SIPA1L1: variants seen among roughly 807,000 people sequenced by gnomAD.
The protein encoded by SIPA1L1 is signal-induced proliferation-associated 1-like protein 1.
A neutral mutation model predicts 162.7 loss-of-function variants in SIPA1L1; 26 were observed. That is an observed-to-expected ratio of 0.16 (90% CI 0.12 to 0.22). The LOEUF (loss-of-function observed/expected upper bound fraction) is 0.22, where lower values mean the gene tolerates loss of function less well. Ranked by LOEUF, SIPA1L1 falls within the 10% of genes least tolerant of loss-of-function variation. The pLI, the probability that SIPA1L1 is intolerant of heterozygous loss-of-function variation, is 1.00. For missense variants in SIPA1L1, 1,874 were observed against 2,241.0 expected, an observed-to-expected ratio of 0.84 and a Z score of 3.31; for synonymous variants, 829 against 837.4, an observed-to-expected ratio of 0.99 and a Z score of 0.17.
intron 2 of SIPA1L1, among the ~76,000 whole-genome samples, chr14:71,429,284 T>G (rs1459260000): frequency 2.6e-5 from 4 of 152,226 alleles, no homozygotes; most frequent in Non-Finnish European, 4.4e-5. Context: ...TTCTCTGGCT[T>G]GCTCTCCACT....
intron 3 of SIPA1L1, among the ~76,000 whole-genome samples, chr14:71,523,085 TTTATCCACC>T (rs1456692649): frequency 6.6e-6 from 1 of 152,222 alleles, no homozygotes; most frequent in Non-Finnish European, 1.5e-5. Flanking sequence ...CATTCTGTGA[TTTATCCACC>T]TAATGAATTT....
At chr14:71,735,008 T>C (rs2085156313) in intron 21 of SIPA1L1, among the ~76,000 whole-genome samples, 1 of 152,186 alleles carries the variant, frequency 6.6e-6, no homozygotes, top group South Asian at 2.1e-4. Flanking sequence ...CAGAGAAACA[T>C]TTCATAGAAT....
At chr14:71,564,646 C>G (rs2029960701) in intron 4 of SIPA1L1, among the ~76,000 whole-genome samples, 1 of 151,942 alleles carries the variant, frequency 6.6e-6, no homozygotes, top group Admixed American at 6.6e-5. Context: ...TGCCACCACG[C>G]CTGGCTAATT....
chr14:71,356,568 A>C (rs866874149), intron 2 of SIPA1L1, among the ~76,000 whole-genome samples: 17 of 73,260 alleles, frequency 2.3e-4, no homozygotes, highest in African/African-American at 8.7e-4. Context: ...TTGTCTCTAC[A>C]AAAAAAAAAA....
chr14:71,580,592 A>G (rs527869146), intron 4 of SIPA1L1, among the ~76,000 whole-genome samples: 1 of 152,236 alleles, frequency 6.6e-6, no homozygotes, highest in South Asian at 2.1e-4. Context: ...AATCTTTAGT[A>G]CTCTCTACTT....
intron 4 of SIPA1L1, among the ~76,000 whole-genome samples, chr14:71,563,848 T>C (rs143197672): frequency 0.011 from 1,646 of 152,358 alleles, 44 homozygotes; most frequent in African/African-American, 0.037. Context: ...GTATGTATAT[T>C]TCCAGGCATT....
At chr14:71,716,146 T>TTGTC (rs1480677906) in intron 17 of SIPA1L1, among the ~76,000 whole-genome samples, 2 of 151,686 alleles carry the variant, frequency 1.3e-5, no homozygotes, top group South Asian at 2.1e-4. Context: ...CTTCACTTGT[T>TTGTC]TTCCCCCAGT....
At chr14:71,393,484 C>A (rs2040932422) in intron 2 of SIPA1L1, among the ~76,000 whole-genome samples, 1 of 152,098 alleles carries the variant, frequency 6.6e-6, no homozygotes, top group South Asian at 2.1e-4. Context: ...TCTTATTGGA[C>A]CACACTCATG....
intron 2 of SIPA1L1, among the ~76,000 whole-genome samples, chr14:71,492,491 G>A (rs1416390979): frequency 6.6e-6 from 1 of 152,078 alleles, no homozygotes; most frequent in Non-Finnish European, 1.5e-5. Flanking sequence ...CATCTGTTGA[G>A]GCAGATAGCA....
At chr14:71,443,504 G>A (rs2045089800) in intron 2 of SIPA1L1, among the ~76,000 whole-genome samples, 1 of 152,100 alleles carries the variant, frequency 6.6e-6, no homozygotes, top group Admixed American at 6.6e-5. Flanking sequence ...TCAAATGGAA[G>A]CCACTTATCA....
At position 71,739,563 on chromosome 14, in the gene SIPA1L1, CAA is replaced by C. The variant is rs1400524059; in HGVS notation, c.*404_*405del. 1.3e-5 allele frequency: 2 copies of C among 152,900 alleles called. No individual in the cohort carries two copies. Among genetic ancestry groups the C allele is most frequent in the Non-Finnish European group, 2.9e-5 (2 of 68,540 alleles). The allele number at this position is 152,900 out of a possible 1,614,324, so 9.5% of individuals were successfully genotyped here. A position where few individuals can be genotyped will look rare whatever the true frequency, so the allele number is the denominator to read the frequency against. On this transcript the variant is annotated 3_prime_UTR_variant, in exon 24 of 24. Coordinates refer to ENST00000381232, the MANE Select transcript of SIPA1L1 (RefSeq NM_001386936.1). The stretch of plus-strand genomic sequence containing the variant: ...CCCAAGCTTTCCCTTGTTATTCTAA[CAA>C]ATATCATTATTCCTAGAAAAAGAAT...
rs112777750 is a variant in SIPA1L1, at chr14:71,677,278, C to A, written c.3104+4656C>A. ...TTGGCTGCATAAATGTCTTCTTTTG[C>A]GAAGTGTCTGTTCATATCCTTTGCC... On this transcript the variant is annotated intron_variant, in intron 12 of 23. Transcript: ENST00000381232. 4.7e-3 allele frequency among the ~76,000 whole-genome samples: 719 copies of A among 152,190 alleles called. 8 individuals carry two copies. The highest frequency in any genetic ancestry group is 0.016 in the African/African-American group (676 of 41,518).
Position 71,432,029 on chromosome 14 carries a change from A to G in SIPA1L1, c.-464-80714A>G, listed in dbSNP as rs1212698485. ...GGTAATCAGTTGAGTGGGGAAACTC[A>G]GCAGGGCCTGTCTAGGTGGTGCTTC... On this transcript the variant is annotated intron_variant, in intron 2 of 23. Transcript: ENST00000381232. Among the ~76,000 whole-genome samples, 9 of 151,922 alleles carry G rather than the reference A, an allele frequency of 5.9e-5. No homozygotes were observed. The East Asian group carries it at 1.4e-3, about 23-fold the overall frequency.
At chr14:71,534,329 G>T (rs1284694832) in intron 4 of SIPA1L1, among the ~76,000 whole-genome samples, 4 of 152,130 alleles carry the variant, frequency 2.6e-5, no homozygotes, top group Admixed American at 1.3e-4. Flanking sequence ...ACCTTAGTGG[G>T]AATTTAACAA....
chr14:71,546,743 A>T (rs2055251190), intron 4 of SIPA1L1, among the ~76,000 whole-genome samples: 1 of 152,190 alleles, frequency 6.6e-6, no homozygotes, highest in African/African-American at 2.4e-5. Flanking sequence ...CTGAAGCTAT[A>T]CAAGTTGATG....
chr14:71,571,121 C>CA (rs1458204094), intron 4 of SIPA1L1, among the ~76,000 whole-genome samples: 1 of 152,022 alleles, frequency 6.6e-6, no homozygotes, highest in Non-Finnish European at 1.5e-5. Context: ...ACGGAAGAAA[C>CA]AGAGAACACA....
chr14:71,452,525 C>A (rs2045905331), intron 2 of SIPA1L1, among the ~76,000 whole-genome samples: 2 of 151,972 alleles, frequency 1.3e-5, no homozygotes, highest in Admixed American at 1.3e-4. Flanking sequence ...GTGCACATTT[C>A]TGTTAGGCAT....
At chr14:71,344,867 C>T (rs138701265) in intron 2 of SIPA1L1, among the ~76,000 whole-genome samples, 70 of 152,164 alleles carry the variant, frequency 4.6e-4, no homozygotes, top group Middle Eastern at 6.8e-3. Context: ...CCTGGCATGC[C>T]AACTTTTCAA....
chr14:71,589,179 C>G lies in SIPA1L1; in HGVS notation c.1307C>G (p.Ser436Cys), dbSNP rs368835804. ...ERKISLSKSNSGSFSGCESAS... is the reference protein window; with the variant it reads ...ERKISLSKSNCGSFSGCESAS... ...AAAATCAGCCTTTCAAAATCAAATT[C>G]TGGCTCCTTTAGTGGATGTGAAAGT... The change falls in exon 5 of 24, where the codon TCT becomes TGT. Residue 436 changes from serine (S) to cysteine (C), a missense_variant. Transcript: ENST00000381232. 5.6e-6 allele frequency: 9 copies of G among 1,613,942 alleles called. No homozygotes were observed. Among genetic ancestry groups the G allele is most frequent in the African/African-American group, 4.0e-5 (3 of 74,912 alleles).
Sources: allele counts gnomAD v4.1 joint callset (sites outside exome capture counted in the v4.1 genomes callset), GRCh38; gene constraint gnomAD v4.1.1; transcripts MANE v1.5; gene names NCBI Gene and HGNC (gene_info 2026-07-23, HGNC 2026-07-21).